The following ZBTB8B variants were observed in gnomAD, a reference collection of about 807,000 sequenced individuals.
ZBTB8B encodes the protein zinc finger and BTB domain containing 8B.
ZBTB8B carries 17 observed loss-of-function variants against 30.3 expected under a neutral mutation model. That is an observed-to-expected ratio of 0.56 (90% CI 0.38 to 0.84). The LOEUF (loss-of-function observed/expected upper bound fraction) is 0.84, where lower values mean the gene tolerates loss of function less well. ZBTB8B is among the 40% of genes least tolerant of loss of function. The pLI is 0.00. For missense variants in ZBTB8B, 515 were observed against 644.9 expected (o/e 0.80, Z 2.18); for synonymous variants, 248 against 255.6 (o/e 0.97, Z 0.28).
rs72668535 is a variant in ZBTB8B, at chr1:32,478,794, A to G, written c.992-2097A>G. Among the ~76,000 whole-genome samples the G allele has an allele frequency of 3.8e-3, 572 of 152,324 alleles. 4 individuals are homozygous for G. Among genetic ancestry groups the G allele is most frequent in the Non-Finnish European group, 6.1e-3 (416 of 68,030 alleles). On this transcript the variant is annotated intron_variant, in intron 2 of 3. Coordinates refer to ENST00000609129, the MANE Select transcript of ZBTB8B (RefSeq NM_001145720.2). ...CATACTTTTCATAGCACCTCAGGAA[A>G]GACAGAGCCAGTTAGGTATCCCAAG...
At chr1:32,469,721 G>A (rs963244926) in intron 1 of ZBTB8B, among the ~76,000 whole-genome samples, 6 of 152,162 alleles carry the variant, frequency 3.9e-5, no homozygotes, top group Admixed American at 3.9e-4. Flanking sequence ...TCAGAACAAG[G>A]GAGACAATAT....
chr1:32,465,308 G>T lies in ZBTB8B; in HGVS notation c.-42+203G>T, dbSNP rs932874652. ...AGCGTGGGGAGGGGCAGGCGCGGCC[G>T]TGGGGCCCCAGCTTCCCTGTCATTG... is the stretch of plus-strand genomic sequence containing the variant. On this transcript the variant is annotated intron_variant, in intron 1 of 3. Transcript: ENST00000609129. This position sits in a 1 kb window ranked among gnomAD's most constrained non-coding sequence, Gnocchi z 4.1. Among the ~76,000 whole-genome samples, 1 of 152,262 alleles carries T rather than the reference G, an allele frequency of 6.6e-6. No homozygotes were observed. The highest frequency in any genetic ancestry group is 6.5e-5 in the Admixed American group (1 of 15,294).
chr1:32,465,925 A>G lies in ZBTB8B; in HGVS notation c.-42+820A>G, dbSNP rs1473086777. Among the ~76,000 whole-genome samples the G allele has an allele frequency of 1.3e-5, 2 of 152,202 alleles. No homozygotes were observed. Among genetic ancestry groups the G allele is most frequent in the African/African-American group, 4.8e-5 (2 of 41,448 alleles). On this transcript the variant is annotated intron_variant, in intron 1 of 3. Transcript: ENST00000609129. This position sits in a 1 kb window ranked among gnomAD's most constrained non-coding sequence, Gnocchi z 4.1. Reference sequence around the variant, plus strand: ...GCCAGGCATGGTGGCGCGCACCTGTAGTCCCTGCTACTCGGGAAGCTAAGG... The same window carrying G: ...GCCAGGCATGGTGGCGCGCACCTGTGGTCCCTGCTACTCGGGAAGCTAAGG...
Position 32,476,739 on chromosome 1 carries a change from A to T in ZBTB8B, c.992-4152A>T, listed in dbSNP as rs568942515. ...TGGAGTTGGAGGTTGCAGTGAGCCGAGGTCGCACCACTGCACTCCAGCCTG... is the reference window on the plus strand; with the variant it reads ...TGGAGTTGGAGGTTGCAGTGAGCCGTGGTCGCACCACTGCACTCCAGCCTG... On this transcript the variant is annotated intron_variant, in intron 2 of 3. Coordinates refer to ENST00000609129, the MANE Select transcript of ZBTB8B (RefSeq NM_001145720.2). 1.9e-4 allele frequency among the ~76,000 whole-genome samples: 28 copies of T among 150,190 alleles called. No individual in the cohort carries two copies. In the South Asian group the frequency reaches 3.2e-3, roughly 17 times the overall value.
intron 2 of ZBTB8B, among the ~76,000 whole-genome samples, chr1:32,474,005 C>T (rs960285550): frequency 6.6e-6 from 1 of 151,888 alleles, no homozygotes; most frequent in African/African-American, 2.4e-5. Flanking sequence ...CACGTGCCAC[C>T]ATGCCTGGCT....
intron 2 of ZBTB8B, among the ~76,000 whole-genome samples, chr1:32,472,422 C>T (rs1368565209): frequency 1.3e-5 from 2 of 152,192 alleles, no homozygotes; most frequent in East Asian, 3.8e-4. Flanking sequence ...AGAACTTTTT[C>T]TCACATATCA....
chr1:32,467,427 T>A (rs1643579932), intron 1 of ZBTB8B, among the ~76,000 whole-genome samples: 1 of 151,960 alleles, frequency 6.6e-6, no homozygotes, highest in Admixed American at 6.6e-5. Flanking sequence ...AATTTTTTTG[T>A]ATTTTTAGTA....
intron 1 of ZBTB8B, among the ~76,000 whole-genome samples, chr1:32,466,133 G>A (rs1643568840): frequency 6.6e-6 from 1 of 152,156 alleles, no homozygotes; most frequent in Admixed American, 6.6e-5. Context: ...TAAAATTGAG[G>A]AGCAGGTTTT....
At position 32,470,589 on chromosome 1, in the gene ZBTB8B, C is replaced by A; in HGVS notation, c.-36C>A. ...CTTAAGAAAAATCTTGGCAGAGATA[C>A]AGGTTTGCTCTGGAGCAGCAGCAGC... On this transcript the variant is annotated 5_prime_UTR_variant, in exon 2 of 4. Transcript: ENST00000609129. 1 of 1,437,144 alleles carries A rather than the reference C, an allele frequency of 7.0e-7. No homozygotes were observed. Among genetic ancestry groups the A allele is most frequent in the Non-Finnish European group, 9.3e-7 (1 of 1,077,306 alleles). 89.0% of individuals were successfully genotyped at this position (1,437,144 alleles called of 1,614,324 possible). A position where few individuals can be genotyped will look rare whatever the true frequency, so the allele number is the denominator to read the frequency against.
At position 32,470,767 on chromosome 1, in the gene ZBTB8B, A is replaced by G; in HGVS notation, c.143A>G (p.Tyr48Cys). 6.4e-7 allele frequency: 1 copy of G among 1,551,774 alleles called. No individual in the cohort carries two copies. Among genetic ancestry groups the G allele is most frequent in the South Asian group, 1.2e-5 (1 of 84,066 alleles). ...HRNILFANSG[Y>C]FRALLIHYIQ... The stretch of plus-strand genomic sequence containing the variant: ...AACATTTTGTTTGCTAACAGCGGCT[A>G]CTTCCGAGCCCTGCTCATTCACTAT... The change falls in exon 2 of 4, where the codon TAC becomes TGC. Residue 48 changes from tyrosine (Y) to cysteine (C), a missense_variant. By Grantham distance (194) the Tyr-to-Cys change is radical (BLOSUM62 -2). Around this residue, in one of 3 missense-constraint regions of ZBTB8B, gnomAD observed 61 missense variants for 117.7 expected, o/e 0.52. Transcript: ENST00000609129.
chr1:32,466,220 C>T (rs1643569306), intron 1 of ZBTB8B, among the ~76,000 whole-genome samples: 1 of 152,084 alleles, frequency 6.6e-6, no homozygotes, highest in Non-Finnish European at 1.5e-5. Context: ...TGCTTTTGGC[C>T]TCTGAACAGA....
At chr1:32,474,364 A>ATTG (rs1197535553) in intron 2 of ZBTB8B, among the ~76,000 whole-genome samples, 43 of 142,042 alleles carry the variant, frequency 3.0e-4, no homozygotes, top group African/African-American at 1.1e-3. Flanking sequence ...AAAAAAAAAA[A>ATTG]AAAAAAAAAA....
intron 2 of ZBTB8B, among the ~76,000 whole-genome samples, chr1:32,475,149 T>C (rs1158775597): frequency 2.0e-5 from 3 of 152,266 alleles, no homozygotes; most frequent in African/African-American, 7.2e-5. Flanking sequence ...TTCCAAGTGC[T>C]AAGGCACAGA....
intron 2 of ZBTB8B, among the ~76,000 whole-genome samples, chr1:32,479,606 G>A (rs1472116351): frequency 2.0e-5 from 3 of 152,196 alleles, no homozygotes; most frequent in Non-Finnish European, 2.9e-5. Context: ...TTCTGCATCC[G>A]TGGTTCCGTG....
intron 1 of ZBTB8B, among the ~76,000 whole-genome samples, chr1:32,469,262 T>TTTTTTTC (rs1324852161): frequency 6.7e-6 from 1 of 150,316 alleles, no homozygotes; most frequent in African/African-American, 2.5e-5. Flanking sequence ...TTTTTTTTTT[T>TTTTTTTC]TGAGACAGAA....
At position 32,495,537 on chromosome 1, in the gene ZBTB8B, AC is replaced by A. The variant is rs1643811562; in HGVS notation, c.*10120del. 1 of 152,196 alleles carries A rather than the reference AC, an allele frequency of 6.6e-6. No individual in the cohort carries two copies. The highest frequency in any genetic ancestry group is 1.5e-5 in the Non-Finnish European group (1 of 68,032). The allele number at this position is 152,196 out of a possible 1,614,324, so 9.4% of individuals were successfully genotyped here. On this transcript the variant is annotated 3_prime_UTR_variant, in exon 4 of 4. Transcript: ENST00000609129. ...ACAGTCAGATTGAAACACCCTAGTTACAAGTTTAGAATAGGAGTGGCCTCAA... is the reference window on the plus strand; with the variant it reads ...ACAGTCAGATTGAAACACCCTAGTTAAAGTTTAGAATAGGAGTGGCCTCAA...
At chr1:32,476,359 A>G (rs1424974496) in intron 2 of ZBTB8B, among the ~76,000 whole-genome samples, 1 of 151,962 alleles carries the variant, frequency 6.6e-6, no homozygotes, top group Non-Finnish European at 1.5e-5. Flanking sequence ...TGCTCTGCAC[A>G]AGCCTCAATC....
chr1:32,480,589 G>A (rs746587009), intron 2 of ZBTB8B, among the ~76,000 whole-genome samples: 2 of 152,214 alleles, frequency 1.3e-5, no homozygotes, highest in Non-Finnish European at 2.9e-5. Flanking sequence ...CATAAGGCAC[G>A]TGTGTTCTGA....
Position 32,485,528 on chromosome 1 carries a change from C to T in ZBTB8B, c.*110C>T, listed in dbSNP as rs535142078. 2.7e-6 allele frequency: 3 copies of T among 1,104,974 alleles called. No homozygotes were observed. The Admixed American group carries it at 7.7e-5, about 28-fold the overall frequency. The allele number at this position is 1,104,974 out of a possible 1,614,324, so 68.4% of individuals were successfully genotyped here. A position where few individuals can be genotyped will look rare whatever the true frequency, so the allele number is the denominator to read the frequency against. On this transcript the variant is annotated 3_prime_UTR_variant, in exon 4 of 4. Coordinates refer to ENST00000609129, the MANE Select transcript of ZBTB8B (RefSeq NM_001145720.2). ...GAACCCTGAGAGGAACATTTTTTCA[C>T]TGTTATTATATGTGCATTTTTATTA...
Sources: gnomAD v4.1 joint callset for allele counts (sites outside exome capture counted in the v4.1 genomes callset) on GRCh38, gnomAD v4.1.1 for gene constraint, gnomAD v4.1.1 regional missense constraint, Gnocchi (gnomAD v3.1) non-coding constraint, MANE v1.5 for transcripts, NCBI Gene and HGNC (gene_info 2026-07-23, HGNC 2026-07-21) for gene names.